The following EPHA4 variants were observed in gnomAD, a reference collection of about 807,000 sequenced individuals.
EPHA4 encodes the protein ephrin type-A receptor 4.
EPHA4 carries 19 observed loss-of-function variants against 108.3 expected under a neutral mutation model. The observed-to-expected ratio is 0.18, with a 90% CI of 0.12 to 0.26. The LOEUF (loss-of-function observed/expected upper bound fraction) is 0.26, where lower values mean the gene tolerates loss of function less well. Among genes scored for constraint, EPHA4 ranks in the 10% least tolerant of loss-of-function variants. The probability of loss-of-function intolerance (pLI) is 1.00; values close to 1 mark genes in which losing one functional copy is unlikely to be tolerated. For synonymous variants in EPHA4, 449 were observed against 455.5 expected (o/e 0.99, Z 0.18); for missense variants, 917 against 1,254.0 (o/e 0.73, Z 4.06).
intron 5 of EPHA4, among the ~76,000 whole-genome samples, chr2:221,462,663 A>G (rs1260721814): frequency 4.6e-5 from 7 of 152,326 alleles, no homozygotes; most frequent in Admixed American, 4.6e-4. Flanking sequence ...TTTACTATTT[A>G]GGTTAACTGA....
intron 3 of EPHA4, among the ~76,000 whole-genome samples, chr2:221,558,185 A>G (rs1359088278): frequency 6.6e-6 from 1 of 152,222 alleles, no homozygotes; most frequent in Non-Finnish European, 1.5e-5. Flanking sequence ...TCCATCTATT[A>G]TTTTAAAAAT....
intron 3 of EPHA4, among the ~76,000 whole-genome samples, chr2:221,534,884 T>A (rs1289511704): frequency 6.6e-6 from 1 of 152,178 alleles, no homozygotes; most frequent in African/African-American, 2.4e-5. Context: ...TCTACATGAT[T>A]TAACTTTTTT....
intron 3 of EPHA4, among the ~76,000 whole-genome samples, chr2:221,531,419 A>G (rs1693509777): frequency 2.0e-5 from 3 of 152,146 alleles, no homozygotes; most frequent in Admixed American, 2.0e-4. Context: ...CTTTCAAAGA[A>G]TTTTGTATTG....
At chr2:221,524,146 G>A (rs985153626) in intron 3 of EPHA4, among the ~76,000 whole-genome samples, 2 of 152,224 alleles carry the variant, frequency 1.3e-5, no homozygotes, top group Non-Finnish European at 2.9e-5. Context: ...TAGCGGAGCA[G>A]AAGTCAGATG....
In EPHA4 at chr2:221,483,411, C is replaced by T. The variant is rs78496481; in HGVS notation, c.980-721G>A. Reference sequence around the variant, plus strand: ...GTTATGAAACAGAACAACTGATTACCGACAACATACTGGTTGGTTAAAAAA... The same window carrying T: ...GTTATGAAACAGAACAACTGATTACTGACAACATACTGGTTGGTTAAAAAA... On this transcript the variant is annotated intron_variant, in intron 4 of 17. Transcript: ENST00000281821. Among the ~76,000 whole-genome samples, 334 of 151,242 alleles carry T rather than the reference C, an allele frequency of 2.2e-3. 13 individuals carry two copies. In the East Asian group the frequency reaches 0.057, roughly 26 times the overall value.
At chr2:221,563,709 A>C (rs961804874) in intron 3 of EPHA4, 22 bp downstream of exon 3, 12 of 1,607,592 alleles carry the variant, frequency 7.5e-6, no homozygotes, top group Non-Finnish European at 1.0e-5. Context: ...CAGTGAAAAA[A>C]CTGCAATATG....
At chr2:221,539,452 G>A (rs770572454) in intron 3 of EPHA4, among the ~76,000 whole-genome samples, 7 of 152,134 alleles carry the variant, frequency 4.6e-5, no homozygotes, top group Non-Finnish European at 8.8e-5. Flanking sequence ...TGGGAGTTAG[G>A]AGAGAGAAGA....
intron 14 of EPHA4, among the ~76,000 whole-genome samples, chr2:221,430,759 G>A (rs1230715007): frequency 1.3e-5 from 2 of 152,092 alleles, no homozygotes; most frequent in Admixed American, 6.6e-5. Flanking sequence ...GCTGTCAGTC[G>A]ACCCTGTTAA....
intron 5 of EPHA4, among the ~76,000 whole-genome samples, chr2:221,482,029 T>C (rs933644280): frequency 3.9e-5 from 6 of 152,138 alleles, no homozygotes; most frequent in Non-Finnish European, 7.4e-5. Flanking sequence ...CTGAGCCTCC[T>C]GAGTAGCTGG....
intron 11 of EPHA4, among the ~76,000 whole-genome samples, chr2:221,437,757 C>CAAA (rs538233784): frequency 7.1e-5 from 9 of 125,882 alleles, no homozygotes; most frequent in East Asian, 2.2e-4. Context: ...ACTAAAAATA[C>CAAA]AAAAAAAAAA....
chr2:221,523,218 T>C (rs1196107045), intron 3 of EPHA4, among the ~76,000 whole-genome samples: 2 of 152,296 alleles, frequency 1.3e-5, no homozygotes, highest in Admixed American at 6.5e-5. Context: ...CTTTCATTAA[T>C]TCCTTTGATA....
intron 5 of EPHA4, among the ~76,000 whole-genome samples, chr2:221,466,212 C>T (rs1293245117): frequency 6.6e-6 from 1 of 152,186 alleles, no homozygotes; most frequent in Non-Finnish European, 1.5e-5. Context: ...TGATCTTATG[C>T]TAATGCTAAA....
intron 2 of EPHA4, among the ~76,000 whole-genome samples, chr2:221,567,886 G>A (rs1358116998): frequency 6.6e-6 from 1 of 152,182 alleles, no homozygotes; most frequent in Non-Finnish European, 1.5e-5. Context: ...AGGATGATTT[G>A]TTTAATTTTA....
At chr2:221,498,470 A>G (rs1374596494) in intron 4 of EPHA4, among the ~76,000 whole-genome samples, 1 of 152,224 alleles carries the variant, frequency 6.6e-6, no homozygotes, top group Admixed American at 6.5e-5. Context: ...GGAACATAGC[A>G]TGAAAATATT....
chr2:221,556,898 A>G (rs1265529909), intron 3 of EPHA4, among the ~76,000 whole-genome samples: 2 of 152,114 alleles, frequency 1.3e-5, no homozygotes, highest in Non-Finnish European at 1.5e-5. Flanking sequence ...GTATAGAAAA[A>G]ACATAATGTA....
intron 4 of EPHA4, among the ~76,000 whole-genome samples, chr2:221,499,756 A>ATATATT (rs1334015871): frequency 7.6e-4 from 20 of 26,210 alleles, no homozygotes; most frequent in East Asian, 2.5e-3. Context: ...ATATATATAT[A>ATATATT]TTTTTTTTTT....
chr2:221,436,131 C>T (rs1690224626), intron 13 of EPHA4, among the ~76,000 whole-genome samples: 1 of 151,962 alleles, frequency 6.6e-6, no homozygotes, highest in Non-Finnish European at 1.5e-5. Context: ...TTTCTTCCCC[C>T]TGCCCTCCCA....
At chr2:221,548,758 A>T (rs1334127672) in intron 3 of EPHA4, among the ~76,000 whole-genome samples, 1 of 152,144 alleles carries the variant, frequency 6.6e-6, no homozygotes, top group African/African-American at 2.4e-5. Context: ...TTAGACCTAG[A>T]TTGTCTACCC....
intron 8 of EPHA4, among the ~76,000 whole-genome samples, chr2:221,452,443 T>C (rs1457924695): frequency 6.6e-6 from 1 of 152,226 alleles, no homozygotes; most frequent in Non-Finnish European, 1.5e-5. Context: ...CTGTCTCCTC[T>C]CTGTTCACCT....
Sources: allele counts gnomAD v4.1 joint callset (sites outside exome capture counted in the v4.1 genomes callset), GRCh38; gene constraint gnomAD v4.1.1; transcripts MANE v1.5; gene names NCBI Gene and HGNC (gene_info 2026-07-23, HGNC 2026-07-21).